The following LBHD1 variants were observed in gnomAD, a reference collection of about 807,000 sequenced individuals.
The protein encoded by LBHD1 is LBH domain containing 1.
LBHD1 carries 28 observed loss-of-function variants against 31.1 expected under a neutral mutation model. The ratio of observed to expected loss-of-function variants is 0.90; its 90% confidence interval spans 0.67 to 1.24. The LOEUF (loss-of-function observed/expected upper bound fraction) is 1.24, where lower values mean the gene tolerates loss of function less well. Among genes scored for constraint, LBHD1 ranks in the 50% most tolerant of loss-of-function variants. The pLI is 0.00. For missense variants in LBHD1, 350 were observed against 323.0 expected (o/e 1.08, Z -0.64); for synonymous variants, 105 against 116.5 (o/e 0.90, Z 0.63).
intron 5 of LBHD1, 76 bp from the exon 6 acceptor site, chr11:62,663,409 G>A: frequency 1.4e-6 from 2 of 1,473,018 alleles, no homozygotes; most frequent in South Asian, 2.5e-5. Context: ...TCTGGCTATA[G>A]AAAAAGTATT....
chr11:62,663,388 A>C lies in LBHD1; in HGVS notation c.664-55T>G, dbSNP rs945526122. 1.9e-6 allele frequency: 3 copies of C among 1,549,556 alleles called. No homozygotes were observed. The Admixed American group carries it at 5.3e-5, about 27-fold the overall frequency. ...AGGTTAACCTGAACCAACTGAGGTCACACAAATAGTTCTGGCTATAGAAAA... is the reference window on the plus strand; with the variant it reads ...AGGTTAACCTGAACCAACTGAGGTCCCACAAATAGTTCTGGCTATAGAAAA... On this transcript the variant is annotated intron_variant, in intron 5 of 6. Coordinates refer to ENST00000354588, the MANE Select transcript of LBHD1 (RefSeq NM_024099.5).
At chr11:62,670,327 C>T (rs1590854025) in intron 1 of LBHD1, 2 of 400,498 alleles carry the variant, frequency 5.0e-6, no homozygotes, top group South Asian at 6.1e-5. Flanking sequence ...TTCCTGACTC[C>T]TATGCTTACT....
chr11:62,666,302 CCT>C (rs904777935), intron 4 of LBHD1: 4 of 1,310,256 alleles, frequency 3.1e-6, no homozygotes, highest in African/African-American at 1.5e-5. Context: ...AGAGTGAGAC[CCT>C]GTCTCAAAAA....
chr11:62,664,551 G>A (rs1944742075), intron 5 of LBHD1, among the ~76,000 whole-genome samples: 1 of 151,940 alleles, frequency 6.6e-6, no homozygotes, highest in Admixed American at 6.6e-5. Flanking sequence ...GGCTGGTCTC[G>A]AACTCCCGAC....
chr11:62,664,732 T>G, intron 5 of LBHD1, 117 bp downstream of exon 5: 1 of 1,328,328 alleles, frequency 7.5e-7, no homozygotes, highest in Non-Finnish European at 1.0e-6. Flanking sequence ...CGACAGACAT[T>G]CCCCGCATAA....
rs777042192 is a variant in LBHD1 at position 62,667,459 on chromosome 11, G to GA, written c.538+63_538+64insT. On this transcript the variant is annotated intron_variant, in intron 4 of 6. Transcript: ENST00000354588. Reference sequence around the variant, plus strand: ...TCACCTGTAAAAGGAGATTGTAAGAGGATGGGTATAAGGAGCTTCATAAAC... The same window carrying GA: ...TCACCTGTAAAAGGAGATTGTAAGAGAGATGGGTATAAGGAGCTTCATAAAC... 3 of 1,515,516 alleles carry GA rather than the reference G, an allele frequency of 2.0e-6. No individual in the cohort carries two copies. In the South Asian group the frequency reaches 3.4e-5, roughly 17 times the overall value. The allele number at this position is 1,515,516 out of a possible 1,614,324, so 93.9% of individuals were successfully genotyped here.
At chr11:62,671,458 C>T in intron 1 of LBHD1, 106 bp downstream of exon 1, 3 of 1,325,280 alleles carry the variant, frequency 2.3e-6, no homozygotes, top group South Asian at 1.5e-5. Context: ...CATGAAGACA[C>T]GCACTCTCCC....
chr11:62,666,426 G>T (rs72927292), intron 4 of LBHD1: 1 of 1,611,800 alleles, frequency 6.2e-7, no homozygotes, highest in South Asian at 1.1e-5. Context: ...CTGGCGGACC[G>T]CTGTCTCTGG....
intron 4 of LBHD1, chr11:62,666,031 A>G (rs534502356): frequency 2.5e-4 from 351 of 1,422,758 alleles, no homozygotes; most frequent in Admixed American, 3.2e-4. Flanking sequence ...TCAGGAGTGT[A>G]GTCCCTGAAA....
At chr11:62,664,657 A>C (rs145195527) in intron 5 of LBHD1, among the ~76,000 whole-genome samples, 192 bp downstream of exon 5, 63 of 152,240 alleles carry the variant, frequency 4.1e-4, no homozygotes, top group African/African-American at 1.4e-3. Flanking sequence ...CAGAATCCAA[A>C]ACCCAAAGAA....
At position 62,663,091 on chromosome 11, in the gene LBHD1, G is replaced by C. The variant is rs1397629234; in HGVS notation, c.*38C>G. The C allele has an allele frequency of 3.1e-6, 5 of 1,612,810 alleles. No individual in the cohort carries two copies. Among genetic ancestry groups the C allele is most frequent in the Non-Finnish European group, 4.2e-6 (5 of 1,179,278 alleles). On this transcript the variant is annotated 3_prime_UTR_variant, in exon 7 of 7. Coordinates refer to ENST00000354588, the MANE Select transcript of LBHD1 (RefSeq NM_024099.5). Reference sequence around the variant, plus strand: ...AGGTCCTTCATTTCTACATCCTGGGGGGCTTTTGTCTTCTTTTGCCTTTTG... The same window carrying C: ...AGGTCCTTCATTTCTACATCCTGGGCGGCTTTTGTCTTCTTTTGCCTTTTG...
At chr11:62,671,508 C>G (rs1019407582) in intron 1 of LBHD1, 56 bp downstream of exon 1, 15 of 1,389,114 alleles carry the variant, frequency 1.1e-5, no homozygotes, top group Non-Finnish European at 1.3e-5. Context: ...ACAGGGTCCC[C>G]GCGCTCAGCC....
At chr11:62,665,917 T>A (rs755588623) in intron 4 of LBHD1, 6 of 1,612,878 alleles carry the variant, frequency 3.7e-6, no homozygotes, top group Middle Eastern at 1.6e-4. Context: ...TTGCCGAGCC[T>A]GATGATGGGG....
Position 62,671,759 on chromosome 11 carries a change from G to A in LBHD1, c.-206C>T, listed in dbSNP as rs763381052. 8 of 1,613,820 alleles carry A rather than the reference G, an allele frequency of 5.0e-6. No individual in the cohort carries two copies. Among genetic ancestry groups the A allele is most frequent in the Non-Finnish European group, 6.8e-6 (8 of 1,179,894 alleles). ...GTGCAGGCGGCCATGGATTCCTTGC[G>A]GAAAATGCTGATCTCAGTCGCAATG... On this transcript the variant is annotated 5_prime_UTR_variant, in exon 1 of 7. Transcript: ENST00000354588.
At position 62,663,261 on chromosome 11, in the gene LBHD1, G is replaced by A; in HGVS notation, c.736C>T (p.Pro246Ser). ...CTTCCATGGCTGTCTTCTCTTTCTGGGCAAGCCGGATCTGCTGGAGGAGTT... is the reference window on the plus strand; with the variant it reads ...CTTCCATGGCTGTCTTCTCTTTCTGAGCAAGCCGGATCTGCTGGAGGAGTT... ...QKTPPADPAC[P>S]EREDSHGSGS... Residue 246 changes from proline (P) to serine (S), a missense_variant, in exon 6 of 7, where the codon CCA becomes TCA. Pro to Ser is a moderately conservative substitution (Grantham distance 74). Coordinates refer to ENST00000354588, the MANE Select transcript of LBHD1 (RefSeq NM_024099.5). 9 of 1,614,140 alleles carry A rather than the reference G, an allele frequency of 5.6e-6. No individual in the cohort carries two copies. Among genetic ancestry groups the A allele is most frequent in the Non-Finnish European group, 7.6e-6 (9 of 1,180,026 alleles).
chr11:62,663,108 T>G lies in LBHD1; in HGVS notation c.*21A>C. The G allele has an allele frequency of 1.2e-6, 2 of 1,613,972 alleles. No homozygotes were observed. Among genetic ancestry groups the G allele is most frequent in the Non-Finnish European group, 1.7e-6 (2 of 1,179,906 alleles). On this transcript the variant is annotated 3_prime_UTR_variant, in exon 7 of 7. Transcript: ENST00000354588. Reference sequence around the variant, plus strand: ...ATCCTGGGGGGCTTTTGTCTTCTTTTGCCTTTTGAGCTGTGGTTCACTAGT... The same window carrying G: ...ATCCTGGGGGGCTTTTGTCTTCTTTGGCCTTTTGAGCTGTGGTTCACTAGT...
At position 62,672,258 on chromosome 11, in the gene LBHD1, G is replaced by A. The variant is rs1944958805; in HGVS notation, c.-705C>T. 4 of 869,770 alleles carry A rather than the reference G, an allele frequency of 4.6e-6. No individual in the cohort carries two copies. Among genetic ancestry groups the A allele is most frequent in the South Asian group, 1.7e-5 (1 of 58,154 alleles). The allele number at this position is 869,770 out of a possible 1,614,324, so 53.9% of individuals were successfully genotyped here. A position where few individuals can be genotyped will look rare whatever the true frequency, so the allele number is the denominator to read the frequency against. On this transcript the variant is annotated 5_prime_UTR_variant, in exon 1 of 7. Coordinates refer to ENST00000354588, the MANE Select transcript of LBHD1 (RefSeq NM_024099.5). Reference sequence around the variant, plus strand: ...GGGGTCCTGTGAGCTGCCGTCGGGTGAGCACGTTTCCCCCAAACCCTGGAC... The same window carrying A: ...GGGGTCCTGTGAGCTGCCGTCGGGTAAGCACGTTTCCCCCAAACCCTGGAC...
intron 1 of LBHD1, chr11:62,671,327 C>G (rs1003158617): frequency 1.0e-6 from 1 of 963,580 alleles, no homozygotes; most frequent in Non-Finnish European, 1.4e-6. Flanking sequence ...TAGATGCCCT[C>G]CATGCGCTGT....
intron 4 of LBHD1, chr11:62,666,611 AC>A (rs960009581): frequency 1.2e-6 from 2 of 1,614,008 alleles, no homozygotes; most frequent in African/African-American, 2.7e-5. Context: ...AGGCCTCTAC[AC>A]CAAATCTCCA....
Sources: gnomAD v4.1 joint callset for allele counts (sites outside exome capture counted in the v4.1 genomes callset) on GRCh38, gnomAD v4.1.1 for gene constraint, MANE v1.5 for transcripts, NCBI Gene and HGNC (gene_info 2026-07-23, HGNC 2026-07-21) for gene names.